The following FAM91A1 variants were observed in gnomAD, a reference collection of about 807,000 sequenced individuals.
The protein encoded by FAM91A1 is family with sequence similarity 91 member A1, also known as protein FAM91A1.
In FAM91A1, 41 loss-of-function variants were observed where a neutral mutation model predicts 113.5. That is an observed-to-expected ratio of 0.36 (90% CI 0.28 to 0.47). The LOEUF is 0.47. Among genes scored for constraint, FAM91A1 ranks in the 20% least tolerant of loss-of-function variants. FAM91A1 has a pLI of 1.00. For synonymous variants in FAM91A1, 307 were observed against 347.9 expected (o/e 0.88, Z 1.31); for missense variants, 696 against 1,001.2 (o/e 0.70, Z 4.11).
chr8:123,771,474 T>C (rs368602080), intron 1 of FAM91A1, among the ~76,000 whole-genome samples: 3 of 152,156 alleles, frequency 2.0e-5, no homozygotes, highest in East Asian at 1.9e-4. Context: ...GCAGGTGATT[T>C]AGATTTTTAA....
intron 1 of FAM91A1, among the ~76,000 whole-genome samples, chr8:123,768,990 A>G (rs941238780): frequency 6.6e-6 from 1 of 152,216 alleles, no homozygotes; most frequent in African/African-American, 2.4e-5. Context: ...ATGGGATGGC[A>G]TGGTGTCCAC....
intron 9 of FAM91A1, chr8:123,784,795 TG>T: frequency 2.3e-6 from 1 of 427,752 alleles, no homozygotes; most frequent in Non-Finnish European, 4.0e-6. Flanking sequence ...TATGACTTTT[TG>T]TACTAAAGTA....
At chr8:123,775,365 A>AATC in intron 3 of FAM91A1, 67 bp downstream of exon 3, 1 of 1,552,978 alleles carries the variant, frequency 6.4e-7, no homozygotes, top group Admixed American at 1.8e-5. Context: ...CTTTTTGCAG[A>AATC]TGTTCACCAG....
Position 123,813,619 on chromosome 8 carries a change from C to T in FAM91A1, c.*915C>T, listed in dbSNP as rs987140220. The stretch of plus-strand genomic sequence containing the variant: ...GGATCAGAATGCTTTAGTGATAAAC[C>T]TACTTTGAAGACATACTCTTAAGCA... On this transcript the variant is annotated 3_prime_UTR_variant, in exon 24 of 24. Coordinates refer to ENST00000334705, the MANE Select transcript of FAM91A1 (RefSeq NM_144963.4). The T allele has an allele frequency of 1.3e-5, 2 of 152,160 alleles. No homozygotes were observed. The highest frequency in any genetic ancestry group is 4.8e-5 in the African/African-American group (2 of 41,404). The allele number at this position is 152,160 out of a possible 1,614,324, so 9.4% of individuals were successfully genotyped here.
intron 18 of FAM91A1, 87 bp from the exon 19 acceptor site, chr8:123,805,180 T>C: frequency 9.4e-7 from 1 of 1,062,890 alleles, no homozygotes; most frequent in African/African-American, 1.6e-5. Flanking sequence ...AATATACCAT[T>C]ACATGACACA....
At chr8:123,803,133 G>A (rs1485368848) in intron 18 of FAM91A1, among the ~76,000 whole-genome samples, 6 of 152,080 alleles carry the variant, frequency 3.9e-5, no homozygotes, top group Admixed American at 6.6e-5. Context: ...GTGAAACCCT[G>A]TCTTAATTTA....
At chr8:123,793,018 C>G (rs1195730704) in intron 15 of FAM91A1, among the ~76,000 whole-genome samples, 5 of 152,142 alleles carry the variant, frequency 3.3e-5, no homozygotes, top group Admixed American at 6.5e-5. Context: ...TTTGACTCAC[C>G]CTCAACCTAA....
intron 1 of FAM91A1, among the ~76,000 whole-genome samples, chr8:123,769,496 T>C (rs1188341788): frequency 6.6e-6 from 1 of 152,238 alleles, no homozygotes; most frequent in Admixed American, 6.5e-5. Context: ...TGTTGGACTT[T>C]ATCCTCCAGA....
intron 1 of FAM91A1, among the ~76,000 whole-genome samples, chr8:123,770,044 T>C (rs1234605590): frequency 6.6e-6 from 1 of 152,136 alleles, no homozygotes; most frequent in African/African-American, 2.4e-5. Context: ...ACTCTGCTTC[T>C]TGGGTTCAAG....
chr8:123,777,591 T>A (rs1815018822), intron 4 of FAM91A1, among the ~76,000 whole-genome samples: 1 of 152,246 alleles, frequency 6.6e-6, no homozygotes, highest in Non-Finnish European at 1.5e-5. Flanking sequence ...TTCTTTCTGA[T>A]ACTTGGGCTG....
At chr8:123,812,445 T>A in intron 23 of FAM91A1, 74 bp from the exon 24 acceptor site, 2 of 1,326,802 alleles carry the variant, frequency 1.5e-6, no homozygotes, top group South Asian at 1.5e-5. Flanking sequence ...TCAAGGTCTC[T>A]CTTTCTCATT....
intron 18 of FAM91A1, among the ~76,000 whole-genome samples, chr8:123,801,468 A>G (rs1035694238): frequency 5.3e-5 from 8 of 152,244 alleles, no homozygotes; most frequent in African/African-American, 1.4e-4. Context: ...CTGGCACATA[A>G]TAGGTTCTCC....
At chr8:123,810,205 A>G in intron 22 of FAM91A1, 77 bp from the exon 23 acceptor site, 2 of 1,421,336 alleles carry the variant, frequency 1.4e-6, no homozygotes, top group Non-Finnish European at 9.6e-7. Flanking sequence ...TTAAATTGCT[A>G]AAATTAAACT....
At chr8:123,786,713 C>T in intron 12 of FAM91A1, 103 bp downstream of exon 12, 1 of 891,722 alleles carries the variant, frequency 1.1e-6, no homozygotes, top group Non-Finnish European at 1.8e-6. Context: ...AGATTTTATT[C>T]AATACGCAGT....
chr8:123,773,801 T>G (rs958900690), intron 1 of FAM91A1, among the ~76,000 whole-genome samples: 2 of 152,216 alleles, frequency 1.3e-5, no homozygotes, highest in Non-Finnish European at 2.9e-5. Context: ...AAAGTGAAGT[T>G]ACACTCACCT....
chr8:123,768,568 G>A lies in FAM91A1; in HGVS notation c.-135G>A. On this transcript the variant is annotated 5_prime_UTR_variant, in exon 1 of 24. Transcript: ENST00000334705. ...TGAACTGTCGGGAGCCTAGGCCATG[G>A]GGCAGCCTGGGCCTTCTGCAGTGTG... 3 of 704,862 alleles carry A rather than the reference G, an allele frequency of 4.3e-6. No individual in the cohort carries two copies. The highest frequency in any genetic ancestry group is 6.8e-6 in the Non-Finnish European group (3 of 441,292). The allele number at this position is 704,862 out of a possible 1,614,324, so 43.7% of individuals were successfully genotyped here.
At chr8:123,811,787 T>G (rs1453279769) in intron 23 of FAM91A1, among the ~76,000 whole-genome samples, 1 of 151,714 alleles carries the variant, frequency 6.6e-6, no homozygotes, top group African/African-American at 2.4e-5. Flanking sequence ...TGGGGGGAGG[T>G]CTGTGCGGAA....
Position 123,808,627 on chromosome 8 carries a change from CTT to C in FAM91A1, c.2137+256_2137+257del, listed in dbSNP as rs1815872745. 7 of 498,262 alleles carry C rather than the reference CTT, an allele frequency of 1.4e-5. No individual in the cohort carries two copies. The South Asian group carries it at 2.2e-4, about 16-fold the overall frequency. 30.9% of individuals were successfully genotyped at this position (498,262 alleles called of 1,614,324 possible). A position where few individuals can be genotyped will look rare whatever the true frequency, so the allele number is the denominator to read the frequency against. On this transcript the variant is annotated intron_variant, in intron 21 of 23. Coordinates refer to ENST00000334705, the MANE Select transcript of FAM91A1 (RefSeq NM_144963.4). Reference sequence around the variant, plus strand: ...CATCTTACAGATATCTTGCAATACTCTTTTTTGGGCAAATGACTACTTTGAAC... The same window carrying C: ...CATCTTACAGATATCTTGCAATACTCTTTTGGGCAAATGACTACTTTGAAC...
rs1815091762 is a variant in FAM91A1, at chr8:123,780,462, G to A, written c.641-18G>A. 4 of 1,586,400 alleles carry A rather than the reference G, an allele frequency of 2.5e-6. No homozygotes were observed. The highest frequency in any genetic ancestry group is 3.5e-6 in the Non-Finnish European group (4 of 1,159,186). ...TGTGTAGTGTTCCATCTAAAACAAG[G>A]TACTTTTGTTTCTTCAGGTTTGTAT... On this transcript the variant is annotated intron_variant, in intron 7 of 23. Transcript: ENST00000334705.
Sources: gnomAD v4.1 joint callset for allele counts (sites outside exome capture counted in the v4.1 genomes callset) on GRCh38, gnomAD v4.1.1 for gene constraint, MANE v1.5 for transcripts, NCBI Gene and HGNC (gene_info 2026-07-23, HGNC 2026-07-21) for gene names.